TEX19: variants seen among roughly 807,000 people sequenced by gnomAD.
TEX19 encodes testis expressed 19, also known as testis-expressed protein 19.
For missense variants in TEX19, 184 were observed against 194.4 expected (o/e 0.95, Z 0.32); for synonymous variants, 77 against 73.9 (o/e 1.04, Z -0.21).
rs555486603 is a variant in TEX19 at position 82,362,585 on chromosome 17, TC to T, written c.438del (p.Trp147GlyfsTer35). 7.8e-4 allele frequency: 1,242 copies of T among 1,596,228 alleles called. 6 individuals carry two copies. In the African/African-American group the frequency reaches 0.015, roughly 20 times the overall value. On this transcript the variant is annotated frameshift_variant, in exon 2 of 2. Transcript: ENST00000333437. LOFTEE classifies it low-confidence loss of function (END_TRUNC). The surrounding 1 kb of genome is among the most constrained non-coding windows in gnomAD (Gnocchi z 5.5). The stretch of plus-strand genomic sequence containing the variant: ...AGGATGCTGACTGGACCCAGGGTCT[TC>T]CCTGGAGATTTGAGGAGCTTCTTAC... Reference protein sequence around the residue: ...LEDADWTQGLPWRFEELLTCS... With the variant: ...LEDADWTQGLXWRFEELLTCS...
In TEX19 at chr17:82,361,865, CCTTT is replaced by C; in HGVS notation, c.-271-14_-271-11del. 1.2e-6 allele frequency: 1 copy of C among 837,256 alleles called. No individual in the cohort carries two copies. Among genetic ancestry groups the C allele is most frequent in the Non-Finnish European group, 1.6e-6 (1 of 624,870 alleles). The allele number at this position is 837,256 out of a possible 1,614,324, so 51.9% of individuals were successfully genotyped here. On this transcript the variant is annotated splice_polypyrimidine_tract_variant and intron_variant, in intron 1 of 1. Coordinates refer to ENST00000333437, the MANE Select transcript of TEX19 (RefSeq NM_207459.4). ...CTGCTGGGGGTGCCTAACCTCCCTT[CCTTT>C]GCCTTTCCAGCTCTCCTGAGACCAC...
chr17:82,360,790 T>C (rs1599668544), intron 1 of TEX19, among the ~76,000 whole-genome samples: 1 of 68,986 alleles, frequency 1.4e-5, no homozygotes, highest in Non-Finnish European at 2.7e-5. Context: ...TCCCTCAGGT[T>C]CCCCCAGTTT....
Position 82,362,418 on chromosome 17 carries a change from C to G in TEX19, c.268C>G (p.Pro90Ala). ...GAGCTGGGGGCAGAGCCCAGGACAG[C>G]CTGTGCAGGGGGGCTCTGAGGCATG... ...ELSWGQSPGQ[P>A]VQGGSEAWGP... The change falls in exon 2 of 2, where the codon CCT becomes GCT. Residue 90 changes from proline to alanine, a missense_variant. Physicochemically the swap from Pro to Ala is conservative, Grantham distance 27. Coordinates refer to ENST00000333437, the MANE Select transcript of TEX19 (RefSeq NM_207459.4). This position sits in a 1 kb window ranked among gnomAD's most constrained non-coding sequence, Gnocchi z 5.5. 1 of 1,612,986 alleles carries G rather than the reference C, an allele frequency of 6.2e-7. No individual in the cohort carries two copies. The highest frequency in any genetic ancestry group is 8.5e-7 in the Non-Finnish European group (1 of 1,179,940).
intron 1 of TEX19, 69 bp from the exon 2 acceptor site, chr17:82,361,811 C>T: frequency 9.1e-7 from 1 of 1,096,476 alleles, no homozygotes. Flanking sequence ...CCTGCCCCTG[C>T]TGGTCCCCAC....
chr17:82,361,211 T>C (rs1228599363), intron 1 of TEX19, among the ~76,000 whole-genome samples: 2 of 97,802 alleles, frequency 2.0e-5, no homozygotes, highest in African/African-American at 9.2e-5. Flanking sequence ...TCCCCCAGTT[T>C]CCCTCAGGTT....
chr17:82,361,092 T>C (rs1280317781), intron 1 of TEX19, among the ~76,000 whole-genome samples: 10 of 135,520 alleles, frequency 7.4e-5, no homozygotes, highest in East Asian at 2.3e-4. Flanking sequence ...CCCTCAGGTT[T>C]CCTCAAGTTG....
rs1406130494 is a variant in TEX19, at chr17:82,362,800, A to G, written c.*155A>G. The stretch of plus-strand genomic sequence containing the variant: ...TGCTATGATACCATCTACCTACAGA[A>G]GATGACCCCAGACAGGGCCCTGAGG... On this transcript the variant is annotated 3_prime_UTR_variant, in exon 2 of 2. Coordinates refer to ENST00000333437, the MANE Select transcript of TEX19 (RefSeq NM_207459.4). This position sits in a 1 kb window ranked among gnomAD's most constrained non-coding sequence, Gnocchi z 5.5. 7.4e-6 allele frequency: 7 copies of G among 952,164 alleles called. No individual in the cohort carries two copies. The East Asian group carries it at 1.1e-4, about 15-fold the overall frequency. The allele number at this position is 952,164 out of a possible 1,614,324, so 59.0% of individuals were successfully genotyped here.
chr17:82,361,642 T>C (rs2052395637), intron 1 of TEX19: 2 of 985,428 alleles, frequency 2.0e-6, no homozygotes, highest in East Asian at 2.3e-4. Context: ...TCCCCCAGGT[T>C]CTGTCAGGTG....
chr17:82,360,767 T>G (rs1373590723), intron 1 of TEX19, among the ~76,000 whole-genome samples: 2 of 85,070 alleles, frequency 2.4e-5, no homozygotes, highest in African/African-American at 4.9e-5. Context: ...GTTCCCCCAG[T>G]TTCCCTCAAG....
In TEX19 at chr17:82,362,220, C is replaced by T; in HGVS notation, c.70C>T (p.Gln24Ter). The T allele has an allele frequency of 1.9e-6, 3 of 1,613,828 alleles. No homozygotes were observed. The highest frequency in any genetic ancestry group is 2.5e-6 in the Non-Finnish European group (3 of 1,180,014). ...CTACCTCTACGCCTCCTGGATGTATCAGCTTCAACATGGAGATCAGCTAAG... is the reference window on the plus strand; with the variant it reads ...CTACCTCTACGCCTCCTGGATGTATTAGCTTCAACATGGAGATCAGCTAAG... Reference protein sequence around the residue: ...MSYLYASWMYQLQHGDQLSIC... With the variant: ...MSYLYASWMY Residue 24 changes from glutamine to a stop codon, truncating the protein, a stop_gained, in exon 2 of 2, where the codon CAG (glutamine) becomes TAG (stop). Coordinates refer to ENST00000333437, the MANE Select transcript of TEX19 (RefSeq NM_207459.4). LOFTEE classifies it low-confidence loss of function (END_TRUNC). This position sits in a 1 kb window ranked among gnomAD's most constrained non-coding sequence, Gnocchi z 5.5.
intron 1 of TEX19, 149 bp from the exon 2 acceptor site, chr17:82,361,731 G>A: frequency 4.9e-6 from 5 of 1,013,908 alleles, no homozygotes; most frequent in Non-Finnish European, 5.9e-6. Flanking sequence ...GGAACTGAAG[G>A]CCTCCCAGCC....
In TEX19 at chr17:82,363,659, C is replaced by T. The variant is rs1302812341; in HGVS notation, c.*1014C>T. ...TGTCAGCAGCACTAGGATCTCTGGT[C>T]TACAGTGGAGGGAGAGCTGGTTTTA... On this transcript the variant is annotated 3_prime_UTR_variant, in exon 2 of 2. Transcript: ENST00000333437. 6.0e-6 allele frequency: 1 copy of T among 167,066 alleles called. No homozygotes were observed. Among genetic ancestry groups the T allele is most frequent in the Non-Finnish European group, 1.5e-5 (1 of 68,114 alleles). 10.3% of individuals were successfully genotyped at this position (167,066 alleles called of 1,614,324 possible). A position where few individuals can be genotyped will look rare whatever the true frequency, so the allele number is the denominator to read the frequency against.
chr17:82,360,647 T>A (rs2052379836), intron 1 of TEX19, among the ~76,000 whole-genome samples: 1 of 128,748 alleles, frequency 7.8e-6, no homozygotes, highest in African/African-American at 3.1e-5. Context: ...TCCCCCAGTT[T>A]CCCTCAGGTT....
rs2052399888 is a variant in TEX19, at chr17:82,362,156, C to T, written c.6C>T (p.Cys2=). The T allele has an allele frequency of 6.2e-7, 1 of 1,603,806 alleles. No homozygotes were observed. Among genetic ancestry groups the T allele is most frequent in the Non-Finnish European group, 8.5e-7 (1 of 1,175,326 alleles). The change falls in exon 2 of 2, where the codon TGC becomes TGT. Residue 2 remains cysteine, a synonymous_variant. Coordinates refer to ENST00000333437, the MANE Select transcript of TEX19 (RefSeq NM_207459.4). This position sits in a 1 kb window ranked among gnomAD's most constrained non-coding sequence, Gnocchi z 5.5. M[C]PPVSMRYEEE... is the part of the protein sequence containing the mutation. ...AGTAGGCAGGCAGCCTGGCCATGTG[C>T]CCTCCGGTCAGCATGCGGTATGAGG...
rs1599670305 is a variant in TEX19, at chr17:82,363,669, G to A, written c.*1024G>A. On this transcript the variant is annotated 3_prime_UTR_variant, in exon 2 of 2. Coordinates refer to ENST00000333437, the MANE Select transcript of TEX19 (RefSeq NM_207459.4). ...ACTAGGATCTCTGGTCTACAGTGGA[G>A]GGAGAGCTGGTTTTAAATGTTGGCC... The A allele has an allele frequency of 6.0e-6, 1 of 167,204 alleles. No individual in the cohort carries two copies. The highest frequency in any genetic ancestry group is 1.9e-4 in the East Asian group (1 of 5,196). The allele number at this position is 167,204 out of a possible 1,614,324, so 10.4% of individuals were successfully genotyped here.
rs1381668950 is a variant in TEX19 at position 82,362,525 on chromosome 17, G to T, written c.375G>T (p.Trp125Cys). The T allele has an allele frequency of 6.2e-7, 1 of 1,612,760 alleles. No homozygotes were observed. Among genetic ancestry groups the T allele is most frequent in the East Asian group, 2.2e-5 (1 of 44,892 alleles). ...CCCACTTTGTCCCCACTGAACTATG[G>T]CCTCAGGAGGCTGTGCCCCTGGGCC... is the stretch of plus-strand genomic sequence containing the variant. ...LDPHFVPTEL[W>C]PQEAVPLGLG... The change falls in exon 2 of 2, where the codon TGG (tryptophan) becomes TGT (cysteine). Residue 125 changes from tryptophan to cysteine, a missense_variant. Transcript: ENST00000333437. The surrounding 1 kb of genome is among the most constrained non-coding windows in gnomAD (Gnocchi z 5.5).
chr17:82,362,059 T>G lies in TEX19; in HGVS notation c.-92T>G. 2.0e-6 allele frequency: 3 copies of G among 1,484,884 alleles called. No homozygotes were observed. Among genetic ancestry groups the G allele is most frequent in the East Asian group, 4.5e-5 (2 of 44,112 alleles). 92.0% of individuals were successfully genotyped at this position (1,484,884 alleles called of 1,614,324 possible). ...CCTTCATCCCTGCCGCCCAGCATCC[T>G]ACTGGCCTCAGCACCTGTGGCCAGA... is the stretch of plus-strand genomic sequence containing the variant. On this transcript the variant is annotated 5_prime_UTR_variant, in exon 2 of 2. Coordinates refer to ENST00000333437, the MANE Select transcript of TEX19 (RefSeq NM_207459.4). The surrounding 1 kb of genome is among the most constrained non-coding windows in gnomAD (Gnocchi z 5.5).
chr17:82,362,576 C>A lies in TEX19; in HGVS notation c.426C>A (p.Thr142=). ...TGGGCCTTGAGGATGCTGACTGGAC[C>A]CAGGGTCTTCCCTGGAGATTTGAGG... The part of the protein sequence containing the change: ...LGLGLEDADW[T]QGLPWRFEEL... The change falls in exon 2 of 2, where the codon ACC becomes ACA. Residue 142 remains threonine, a synonymous_variant. Coordinates refer to ENST00000333437, the MANE Select transcript of TEX19 (RefSeq NM_207459.4). The surrounding 1 kb of genome is among the most constrained non-coding windows in gnomAD (Gnocchi z 5.5). The A allele has an allele frequency of 6.2e-7, 1 of 1,603,258 alleles. No homozygotes were observed. Among genetic ancestry groups the A allele is most frequent in the Admixed American group, 1.7e-5 (1 of 57,350 alleles).
rs1371244521 is a variant in TEX19, at chr17:82,362,198, CCT to C, written c.51_52del (p.Tyr18ArgfsTer28). Reference protein sequence around the residue: ...MRYEEEGMSYLYASWMYQLQH... With the variant: ...MRYEEEGMSYXYASWMYQLQH... ...GGTATGAGGAAGAGGGCATGTCCTA[CCT>C]CTACGCCTCCTGGATGTATCAGCTT... On this transcript the variant is annotated frameshift_variant, in exon 2 of 2. Coordinates refer to ENST00000333437, the MANE Select transcript of TEX19 (RefSeq NM_207459.4). LOFTEE classifies it low-confidence loss of function (END_TRUNC). The surrounding 1 kb of genome is among the most constrained non-coding windows in gnomAD (Gnocchi z 5.5). 12 of 1,613,364 alleles carry C rather than the reference CCT, an allele frequency of 7.4e-6. No homozygotes were observed. The Admixed American group carries it at 1.5e-4, about 20-fold the overall frequency.
Sources: allele counts gnomAD v4.1 joint callset (sites outside exome capture counted in the v4.1 genomes callset), GRCh38; gene constraint gnomAD v4.1.1; non-coding constraint Gnocchi (gnomAD v3.1); transcripts MANE v1.5; gene names NCBI Gene and HGNC (gene_info 2026-07-23, HGNC 2026-07-21).